ADGRL3: variants seen among roughly 807,000 people sequenced by gnomAD.
ADGRL3 encodes the protein adhesion G protein-coupled receptor L3.
ADGRL3 carries 62 observed loss-of-function variants against 153.5 expected under a neutral mutation model. The ratio of observed to expected loss-of-function variants is 0.40; its 90% CI spans 0.33 to 0.50. The LOEUF (loss-of-function observed/expected upper bound fraction) is 0.50, where lower values mean the gene tolerates loss of function less well. ADGRL3 is among the 20% of genes least tolerant of loss of function. The probability of loss-of-function intolerance (pLI) is 0.47; values close to 1 mark genes in which losing one functional copy is unlikely to be tolerated. For synonymous variants in ADGRL3, 710 were observed against 672.5 expected, an observed-to-expected ratio of 1.06 and a Z score of -0.86; for missense variants, 1,641 against 1,859.4, an observed-to-expected ratio of 0.88 and a Z score of 2.16.
chr4:61,294,469 T>C (rs1292459345), intron 1 of ADGRL3, among the ~76,000 whole-genome samples: 3 of 152,188 alleles, frequency 2.0e-5, no homozygotes. Context: ...CAACTTATGA[T>C]ATTTTCAACT....
At chr4:61,751,926 T>C (rs976269651) in intron 8 of ADGRL3, among the ~76,000 whole-genome samples, 2 of 151,916 alleles carry the variant, frequency 1.3e-5, no homozygotes, top group African/African-American at 4.8e-5. Context: ...GAACAAGTAA[T>C]GGATGGGCTC....
chr4:61,706,315 G>A (rs1248335671), intron 6 of ADGRL3, among the ~76,000 whole-genome samples: 2 of 151,752 alleles, frequency 1.3e-5, no homozygotes, highest in African/African-American at 4.8e-5. Context: ...TTAGCTACTC[G>A]GGAGGCTGAG....
At chr4:61,831,645 A>T (rs2097870995) in intron 9 of ADGRL3, among the ~76,000 whole-genome samples, 1 of 152,110 alleles carries the variant, frequency 6.6e-6, no homozygotes, top group South Asian at 2.1e-4. Flanking sequence ...TAGTCTCTAG[A>T]CTATCCCTTT....
chr4:62,042,721 A>G (rs753273429), intron 24 of ADGRL3, among the ~76,000 whole-genome samples: 1 of 152,132 alleles, frequency 6.6e-6, no homozygotes, highest in Non-Finnish European at 1.5e-5. Flanking sequence ...ATCCCTTAAT[A>G]TATGGTAAAA....
At chr4:62,014,127 AACAAGAAGATAGTAGTAAATAG>A (rs2151291618) in intron 21 of ADGRL3, among the ~76,000 whole-genome samples, 1 of 152,238 alleles carries the variant, frequency 6.6e-6, no homozygotes, top group South Asian at 2.1e-4. Context: ...AAGTTACCAA[AACAAGAAGATAGTAGTAAATAG>A]CTCATGGCAA....
At chr4:61,729,859 T>C (rs1304792421) in intron 6 of ADGRL3, among the ~76,000 whole-genome samples, 2 of 152,002 alleles carry the variant, frequency 1.3e-5, no homozygotes, top group African/African-American at 4.8e-5. Flanking sequence ...TGTTTGAGGA[T>C]CTCTATTTTT....
chr4:61,255,071 A>C (rs1278396383), intron 1 of ADGRL3, among the ~76,000 whole-genome samples: 1 of 152,172 alleles, frequency 6.6e-6, no homozygotes, highest in African/African-American at 2.4e-5. Context: ...AATATCATGA[A>C]CATACATTAG....
Position 62,063,754 on chromosome 4 carries a change from C to T in ADGRL3, c.3815-4412C>T, listed in dbSNP as rs1214750931. On this transcript the variant is annotated intron_variant, in intron 25 of 26. Transcript: ENST00000683033. ...GTTTTGGAAGCAGACCTGCAGACTC[C>T]TTTCGCATTCCACCCCTCTTGGTGC... 68 of 477,332 alleles carry T rather than the reference C, an allele frequency of 1.4e-4. 2 individuals carry two copies. In the East Asian group the frequency reaches 2.2e-3, roughly 15 times the overall value. 29.6% of individuals were successfully genotyped at this position (477,332 alleles called of 1,614,324 possible).
chr4:61,747,495 A>G (rs1206180309), intron 8 of ADGRL3, among the ~76,000 whole-genome samples: 1 of 147,974 alleles, frequency 6.8e-6, no homozygotes, highest in Non-Finnish European at 1.5e-5. Flanking sequence ...GGCACATCAA[A>G]AAGCTTATCC....
chr4:61,383,235 T>A (rs1015104156), intron 2 of ADGRL3, 46 bp downstream of exon 2: 1 of 151,766 alleles, frequency 6.6e-6, no homozygotes, highest in Non-Finnish European at 1.5e-5. Flanking sequence ...TCAAAATTTA[T>A]TTAAAAATAT....
intron 1 of ADGRL3, among the ~76,000 whole-genome samples, chr4:61,340,830 G>GTATA (rs533433677): frequency 0.017 from 2,565 of 148,038 alleles, 61 homozygotes; most frequent in African/African-American, 0.055. Context: ...GTGTGTTTGT[G>GTATA]TATATATATA....
intron 1 of ADGRL3, among the ~76,000 whole-genome samples, chr4:61,381,120 A>G (rs1256317428): frequency 6.6e-6 from 1 of 151,936 alleles, no homozygotes; most frequent in African/African-American, 2.4e-5. Context: ...AAAGGCATTG[A>G]GATGTTGAAT....
chr4:61,714,424 G>A (rs1199393452), intron 6 of ADGRL3, among the ~76,000 whole-genome samples: 2 of 152,060 alleles, frequency 1.3e-5, no homozygotes, highest in African/African-American at 4.8e-5. Context: ...CACACATGTT[G>A]TATCCCCTTG....
intron 6 of ADGRL3, among the ~76,000 whole-genome samples, chr4:61,683,389 C>T (rs564197621): frequency 6.6e-6 from 1 of 152,174 alleles, no homozygotes; most frequent in African/African-American, 2.4e-5. Flanking sequence ...ATTAGCCACA[C>T]GGACACTGGA....
At chr4:61,264,868 C>T (rs937196407) in intron 1 of ADGRL3, among the ~76,000 whole-genome samples, 2 of 151,752 alleles carry the variant, frequency 1.3e-5, no homozygotes, top group African/African-American at 4.8e-5. Context: ...ATAAACAAAA[C>T]CTTTTCAGTA....
chr4:61,969,514 C>CT (rs894658248), intron 17 of ADGRL3, among the ~76,000 whole-genome samples: 18 of 150,428 alleles, frequency 1.2e-4, no homozygotes, highest in African/African-American at 2.7e-4. Flanking sequence ...GTTGTTTAGC[C>CT]TTTTTTTTTC....
chr4:61,394,621 C>T (rs1427620585), intron 2 of ADGRL3, among the ~76,000 whole-genome samples: 2 of 151,738 alleles, frequency 1.3e-5, no homozygotes, highest in African/African-American at 2.4e-5. Context: ...ATATACAATA[C>T]ATGTAGTTGT....
intron 13 of ADGRL3, among the ~76,000 whole-genome samples, chr4:61,920,917 G>A (rs769665854): frequency 3.9e-5 from 6 of 152,096 alleles, no homozygotes; most frequent in Non-Finnish European, 8.8e-5. Flanking sequence ...ACGATTCTGT[G>A]TCTAACACAA....
chr4:61,786,547 C>T (rs1250917805), intron 8 of ADGRL3, among the ~76,000 whole-genome samples: 1 of 152,154 alleles, frequency 6.6e-6, no homozygotes, highest in Non-Finnish European at 1.5e-5. Flanking sequence ...AGGTATTTGG[C>T]AAGGCACCCT....
Sources: allele counts gnomAD v4.1 joint callset (sites outside exome capture counted in the v4.1 genomes callset), GRCh38; gene constraint gnomAD v4.1.1; transcripts MANE v1.5; gene names NCBI Gene and HGNC (gene_info 2026-07-23, HGNC 2026-07-21).